SFXN4: variants seen among roughly 807,000 people sequenced by gnomAD.
SFXN4 encodes the protein sideroflexin 4, also known as sideroflexin-4.
SFXN4 carries 48 observed loss-of-function variants against 54.6 expected under a neutral mutation model. The observed-to-expected ratio is 0.88, with a 90% CI of 0.70 to 1.12. SFXN4 has a LOEUF of 1.12. SFXN4 is among the 50% of genes most tolerant of loss of function. The pLI is 0.00. For synonymous variants in SFXN4, 130 were observed against 145.5 expected (o/e 0.89, Z 0.77); for missense variants, 383 against 409.2 (o/e 0.94, Z 0.55).
chr10:119,153,037 C>T (rs1847134778), intron 11 of SFXN4, among the ~76,000 whole-genome samples: 1 of 152,172 alleles, frequency 6.6e-6, no homozygotes, highest in Non-Finnish European at 1.5e-5. Context: ...TAAAAGTCCA[C>T]ACCCAAAATG....
chr10:119,163,564 G>C (rs1053202112), intron 2 of SFXN4, among the ~76,000 whole-genome samples: 1 of 151,922 alleles, frequency 6.6e-6, no homozygotes, highest in African/African-American at 2.4e-5. Context: ...ACCACACCCA[G>C]CTAATGTTTG....
At position 119,156,790 on chromosome 10, in the gene SFXN4, G is replaced by A. The variant is rs1340808940; in HGVS notation, c.538-34C>T. The A allele has an allele frequency of 2.6e-6, 4 of 1,535,962 alleles. No homozygotes were observed. The African/African-American group carries it at 5.5e-5, about 21-fold the overall frequency. On this transcript the variant is annotated intron_variant, in intron 9 of 13. Transcript: ENST00000355697. Reference sequence around the variant, plus strand: ...GAAGAGAGAAAAATCATTATTTCATGGGACTGAAAAATCAGCGGAACCTAC... The same window carrying A: ...GAAGAGAGAAAAATCATTATTTCATAGGACTGAAAAATCAGCGGAACCTAC...
chr10:119,165,050 C>T (rs936062916), intron 1 of SFXN4, among the ~76,000 whole-genome samples: 2 of 152,098 alleles, frequency 1.3e-5, no homozygotes, highest in African/African-American at 2.4e-5. Flanking sequence ...AATGTGGCTA[C>T]TAGAAAATGT....
intron 10 of SFXN4, 83 bp from the exon 11 acceptor site, chr10:119,155,260 C>T (rs901377574): frequency 3.4e-5 from 31 of 925,112 alleles, no homozygotes; most frequent in Non-Finnish European, 5.3e-5. Flanking sequence ...GGTGTCTGCC[C>T]CCTGCAAGCC....
chr10:119,148,654 C>T (rs867749250), intron 11 of SFXN4, among the ~76,000 whole-genome samples: 3 of 152,122 alleles, frequency 2.0e-5, no homozygotes, highest in African/African-American at 4.8e-5. Context: ...TCCGTACCCA[C>T]GTTTCACAGC....
rs1383408416 is a variant in SFXN4, at chr10:119,162,679, CTGAA to C, written c.178-269_178-266del. ...CCACTCTCTGATGTCAACTGTCGCA[CTGAA>C]TGGTTACCACCATCCCCTGGCTATA... On this transcript the variant is annotated intron_variant, in intron 2 of 13. Transcript: ENST00000355697. 2.0e-5 allele frequency among the ~76,000 whole-genome samples: 3 copies of C among 152,214 alleles called. No individual in the cohort carries two copies. The South Asian group carries it at 6.2e-4, about 31-fold the overall frequency.
At chr10:119,149,594 A>G (rs909767768) in intron 11 of SFXN4, among the ~76,000 whole-genome samples, 2 of 152,142 alleles carry the variant, frequency 1.3e-5, no homozygotes, top group African/African-American at 4.8e-5. Flanking sequence ...TACTAAAAAT[A>G]CAAAAATTAG....
intron 11 of SFXN4, among the ~76,000 whole-genome samples, chr10:119,153,951 G>A (rs1297200002): frequency 6.6e-6 from 1 of 152,126 alleles, no homozygotes; most frequent in African/African-American, 2.4e-5. Flanking sequence ...GCCGAGGCGG[G>A]CGGAACACCT....
At chr10:119,148,153 C>T (rs151087120) in intron 11 of SFXN4, among the ~76,000 whole-genome samples, 303 of 152,200 alleles carry the variant, frequency 2.0e-3, no homozygotes, top group African/African-American at 6.5e-3. Flanking sequence ...GATTGGGCGA[C>T]GGAGTGAAAC....
intron 11 of SFXN4, among the ~76,000 whole-genome samples, chr10:119,151,224 TTGGGCGCAG>T (rs1297314440): frequency 6.6e-6 from 1 of 151,896 alleles, no homozygotes; most frequent in Non-Finnish European, 1.5e-5. Flanking sequence ...AAAAAATTAG[TTGGGCGCAG>T]TGGCGCATAC....
At chr10:119,154,783 G>A (rs1012707173) in intron 11 of SFXN4, among the ~76,000 whole-genome samples, 1 of 152,190 alleles carries the variant, frequency 6.6e-6, no homozygotes, top group Admixed American at 6.5e-5. Flanking sequence ...AGTGAGCCAA[G>A]ACTGCACCAT....
chr10:119,164,040 CA>C (rs368539311), intron 2 of SFXN4, 90 bp downstream of exon 2: 52,066 of 307,420 alleles, frequency 0.17, 449 homozygotes, highest in East Asian at 0.2. Context: ...AACTCCGTCT[CA>C]AAAAAAAAAA....
Position 119,141,174 on chromosome 10 carries a change from T to G in SFXN4, c.*68A>C, listed in dbSNP as rs1329951880. On this transcript the variant is annotated 3_prime_UTR_variant, in exon 14 of 14. Coordinates refer to ENST00000355697, the MANE Select transcript of SFXN4 (RefSeq NM_213649.2). Reference sequence around the variant, plus strand: ...CCCCAGAAGACCTGTGGCAAAGTTCTCTAAACCGAACCTGGAGAGGGGAAG... The same window carrying G: ...CCCCAGAAGACCTGTGGCAAAGTTCGCTAAACCGAACCTGGAGAGGGGAAG... 24 of 1,242,698 alleles carry G rather than the reference T, an allele frequency of 1.9e-5. No individual in the cohort carries two copies. Among genetic ancestry groups the G allele is most frequent in the Non-Finnish European group, 2.8e-5 (24 of 856,044 alleles). The allele number at this position is 1,242,698 out of a possible 1,614,324, so 77.0% of individuals were successfully genotyped here. A position where few individuals can be genotyped will look rare whatever the true frequency, so the allele number is the denominator to read the frequency against.
intron 12 of SFXN4, among the ~76,000 whole-genome samples, chr10:119,147,396 A>G (rs1846861985): frequency 6.6e-6 from 1 of 152,192 alleles, no homozygotes; most frequent in Non-Finnish European, 1.5e-5. Context: ...GCTGAAGCTC[A>G]TTTAAAACAT....
chr10:119,143,746 G>A (rs1235618820), intron 13 of SFXN4, among the ~76,000 whole-genome samples: 1 of 152,102 alleles, frequency 6.6e-6, no homozygotes, highest in East Asian at 1.9e-4. Flanking sequence ...CAGAGTGCTG[G>A]GATTACAGGC....
rs985101638 is a variant in SFXN4 at position 119,165,683 on chromosome 10, G to A, written c.-36C>T. On this transcript the variant is annotated 5_prime_UTR_variant, in exon 1 of 14. Transcript: ENST00000355697. Reference sequence around the variant, plus strand: ...TTAGAGTGGCCGCCGCCGCCAGGCCGCGCGTGGAGGAGGAGCCGGGCGGCG... The same window carrying A: ...TTAGAGTGGCCGCCGCCGCCAGGCCACGCGTGGAGGAGGAGCCGGGCGGCG... The A allele has an allele frequency of 1.7e-5, 25 of 1,489,050 alleles. No individual in the cohort carries two copies. Among genetic ancestry groups the A allele is most frequent in the Admixed American group, 2.2e-5 (1 of 45,636 alleles). The allele number at this position is 1,489,050 out of a possible 1,614,324, so 92.2% of individuals were successfully genotyped here.
In SFXN4 at chr10:119,148,497, G is replaced by A. The variant is rs893903239; in HGVS notation, c.733-637C>T. On this transcript the variant is annotated intron_variant, in intron 11 of 13. Coordinates refer to ENST00000355697, the MANE Select transcript of SFXN4 (RefSeq NM_213649.2). ...TGGATTTGCCACAGAGGTTTGCTCC[G>A]TATTTCCCATCCAAGCCAAGTCTCT... Among the ~76,000 whole-genome samples, 5 of 152,062 alleles carry A rather than the reference G, an allele frequency of 3.3e-5. No homozygotes were observed. In the East Asian group the frequency reaches 5.8e-4, roughly 18 times the overall value.
rs780878589 is a variant in SFXN4 at position 119,156,678 on chromosome 10, C to G, written c.616G>C (p.Val206Leu). 6 of 1,606,962 alleles carry G rather than the reference C, an allele frequency of 3.7e-6. No homozygotes were observed. The highest frequency in any genetic ancestry group is 5.1e-6 in the Non-Finnish European group (6 of 1,175,910). ...GCAGCCTCCAGCCCTTCCTGCTCAC[C>G]GAGGAAGATCACAGGTAAGAGTCTT... ...IKRLLPVIFLVQASGMNVYMS... is the reference protein window; with the variant it reads ...IKRLLPVIFLLQASGMNVYMS... Residue 206 changes from valine (V) to leucine (L), a missense_variant and splice_region_variant, in exon 10 of 14, where the codon GTG (valine) becomes CTG (leucine). Val to Leu is a conservative substitution (Grantham distance 32). Coordinates refer to ENST00000355697, the MANE Select transcript of SFXN4 (RefSeq NM_213649.2).
chr10:119,149,025 C>A (rs1361093903), intron 11 of SFXN4, among the ~76,000 whole-genome samples: 1 of 152,080 alleles, frequency 6.6e-6, no homozygotes, highest in Non-Finnish European at 1.5e-5. Flanking sequence ...TAGCCAGGAT[C>A]ACAGGTACAC....
Sources: allele counts gnomAD v4.1 joint callset (sites outside exome capture counted in the v4.1 genomes callset), GRCh38; gene constraint gnomAD v4.1.1; transcripts MANE v1.5; gene names NCBI Gene and HGNC (gene_info 2026-07-23, HGNC 2026-07-21).